The following PPP1R9A variants were observed in gnomAD, a reference collection of about 807,000 sequenced individuals.
The protein encoded by PPP1R9A is neurabin-1.
In PPP1R9A, 59 loss-of-function variants were observed where a neutral mutation model predicts 141.9. That is an observed-to-expected ratio of 0.42 (90% CI 0.34 to 0.52). The LOEUF (loss-of-function observed/expected upper bound fraction) is 0.52. PPP1R9A is among the 20% of genes least tolerant of loss of function. The pLI is 0.10. For missense variants in PPP1R9A, 1,444 were observed against 1,611.9 expected (o/e 0.90, Z 1.78); for synonymous variants, 500 against 569.7 (o/e 0.88, Z 1.74).
At chr7:95,210,314 G>A (rs1791808413) in intron 7 of PPP1R9A, among the ~76,000 whole-genome samples, 1 of 151,902 alleles carries the variant, frequency 6.6e-6, no homozygotes, top group South Asian at 2.1e-4. Context: ...ATCCAATAAC[G>A]ATAGTGTAAA....
chr7:95,134,519 C>T (rs1021043619), intron 4 of PPP1R9A, among the ~76,000 whole-genome samples: 6 of 152,256 alleles, frequency 3.9e-5, no homozygotes, highest in African/African-American at 1.4e-4. Flanking sequence ...TCACCACAAC[C>T]TCTGCCTCCC....
intron 7 of PPP1R9A, 124 bp downstream of exon 7, chr7:95,203,854 T>C: frequency 3.2e-6 from 2 of 624,852 alleles, no homozygotes; most frequent in Non-Finnish European, 2.6e-6. Flanking sequence ...GTGATGTGTT[T>C]TGTGCATTGA....
At position 95,094,186 on chromosome 7, in the gene PPP1R9A, A is replaced by C. The variant is rs2152355942; in HGVS notation, c.1396-17073A>C. On this transcript the variant is annotated intron_variant, in intron 2 of 19. Transcript: ENST00000433360. ...TGAAAGGAAGAGTAGTGCTAAGTGA[A>C]GGCTGGCCATGTATGCTGGAGCCAG... Among the ~76,000 whole-genome samples, 4 of 152,312 alleles carry C rather than the reference A, an allele frequency of 2.6e-5. No homozygotes were observed. In the South Asian group the frequency reaches 8.3e-4, roughly 32 times the overall value.
At chr7:95,076,936 T>C (rs1180650434) in intron 2 of PPP1R9A, among the ~76,000 whole-genome samples, 1 of 152,126 alleles carries the variant, frequency 6.6e-6, no homozygotes, top group African/African-American at 2.4e-5. Flanking sequence ...TAGTTTTATC[T>C]CTTTCTTTCC....
chr7:94,946,364 A>T (rs1357605716), intron 2 of PPP1R9A, among the ~76,000 whole-genome samples: 4 of 152,108 alleles, frequency 2.6e-5, no homozygotes, highest in Admixed American at 6.6e-5. Context: ...ATAACTAGGA[A>T]TCTTAGTTGG....
chr7:95,138,616 A>G (rs1214703032), intron 4 of PPP1R9A, among the ~76,000 whole-genome samples: 1 of 152,230 alleles, frequency 6.6e-6, no homozygotes, highest in Non-Finnish European at 1.5e-5. Flanking sequence ...ATTTTCAAAT[A>G]TATATAAGAA....
chr7:94,937,131 T>G (rs1276115260), intron 2 of PPP1R9A, among the ~76,000 whole-genome samples: 1 of 152,164 alleles, frequency 6.6e-6, no homozygotes, highest in African/African-American at 2.4e-5. Flanking sequence ...TTTTTGCTTC[T>G]ATGAATAATG....
At chr7:95,134,930 A>T (rs780150524) in intron 4 of PPP1R9A, among the ~76,000 whole-genome samples, 1 of 152,158 alleles carries the variant, frequency 6.6e-6, no homozygotes, top group Admixed American at 6.5e-5. Flanking sequence ...TTTTTAAAAA[A>T]CAGTATTATA....
intron 14 of PPP1R9A, among the ~76,000 whole-genome samples, chr7:95,271,890 T>C (rs1194247051): frequency 1.3e-5 from 2 of 152,196 alleles, no homozygotes; most frequent in Non-Finnish European, 2.9e-5. Flanking sequence ...TAATGTTGGA[T>C]TTTATGCAGA....
intron 9 of PPP1R9A, among the ~76,000 whole-genome samples, chr7:95,248,654 G>T (rs1798468164): frequency 6.6e-6 from 1 of 152,054 alleles, no homozygotes; most frequent in African/African-American, 2.4e-5. Flanking sequence ...CCCTGTGATT[G>T]TGTTTTAATG....
At chr7:94,933,555 C>G (rs1004393561) in intron 2 of PPP1R9A, among the ~76,000 whole-genome samples, 1 of 152,082 alleles carries the variant, frequency 6.6e-6, no homozygotes, top group Non-Finnish European at 1.5e-5. Flanking sequence ...GTGCTAAGGA[C>G]GAATGGCATC....
At chr7:95,200,811 A>G (rs908452553) in intron 6 of PPP1R9A, among the ~76,000 whole-genome samples, 2 of 152,164 alleles carry the variant, frequency 1.3e-5, no homozygotes, top group Non-Finnish European at 2.9e-5. Context: ...TTCTTACATG[A>G]TCTCATTTAA....
At chr7:95,029,258 G>T (rs1807320727) in intron 2 of PPP1R9A, among the ~76,000 whole-genome samples, 1 of 152,096 alleles carries the variant, frequency 6.6e-6, no homozygotes, top group South Asian at 2.1e-4. Flanking sequence ...TTAAAAGATG[G>T]TATGAAAACA....
chr7:94,970,205 T>TC (rs1798708042), intron 2 of PPP1R9A, among the ~76,000 whole-genome samples: 1 of 152,090 alleles, frequency 6.6e-6, no homozygotes, highest in Admixed American at 6.6e-5. Context: ...GAAAAAACAC[T>TC]CCAGCAGCTA....
intron 2 of PPP1R9A, among the ~76,000 whole-genome samples, chr7:95,028,624 G>A (rs1157324711): frequency 6.6e-6 from 1 of 152,330 alleles, no homozygotes; most frequent in African/African-American, 2.4e-5. Flanking sequence ...TGAATAGAAT[G>A]TGGAGCATAA....
At chr7:95,089,461 G>T (rs1357506653) in intron 2 of PPP1R9A, among the ~76,000 whole-genome samples, 1 of 152,050 alleles carries the variant, frequency 6.6e-6, no homozygotes, top group East Asian at 1.9e-4. Flanking sequence ...GTGTGAATGT[G>T]TACTTCTTTC....
intron 2 of PPP1R9A, among the ~76,000 whole-genome samples, chr7:94,927,559 C>G (rs966325867): frequency 4.6e-5 from 7 of 152,108 alleles, no homozygotes; most frequent in Non-Finnish European, 8.8e-5. Context: ...TATGCTACAG[C>G]TATTTAGAGA....
intron 4 of PPP1R9A, among the ~76,000 whole-genome samples, chr7:95,128,150 C>G (rs1823911867): frequency 6.6e-6 from 1 of 152,128 alleles, no homozygotes; most frequent in Non-Finnish European, 1.5e-5. Flanking sequence ...TAAGCATTCC[C>G]TTTTCTCCAC....
chr7:94,914,503 C>G (rs1331948619), intron 2 of PPP1R9A, among the ~76,000 whole-genome samples: 1 of 152,136 alleles, frequency 6.6e-6, no homozygotes, highest in Non-Finnish European at 1.5e-5. Context: ...CTATCTTTCA[C>G]AGACAGTTAT....
Sources: allele counts gnomAD v4.1 joint callset (sites outside exome capture counted in the v4.1 genomes callset), GRCh38; gene constraint gnomAD v4.1.1; transcripts MANE v1.5; gene names NCBI Gene and HGNC (gene_info 2026-07-23, HGNC 2026-07-21).